Variants in SLC39A11 observed in about 807,000 individuals in gnomAD.
SLC39A11 encodes the protein solute carrier family 39 member 11.
A neutral mutation model predicts 36.1 loss-of-function variants in SLC39A11; 33 were observed. The observed-to-expected ratio is 0.91, with a 90% CI of 0.69 to 1.22. The LOEUF (loss-of-function observed/expected upper bound fraction) is 1.22. Among genes scored for constraint, SLC39A11 ranks in the 50% most tolerant of loss-of-function variants. The pLI, the probability that SLC39A11 is intolerant of heterozygous loss-of-function variation, is 0.00. For synonymous variants in SLC39A11, 166 were observed against 170.3 expected, an observed-to-expected ratio of 0.97 and a Z score of 0.20; for missense variants, 432 against 430.3, an observed-to-expected ratio of 1.00 and a Z score of -0.03.
intron 4 of SLC39A11, among the ~76,000 whole-genome samples, chr17:73,010,974 A>G (rs1044933796): frequency 1.3e-5 from 2 of 152,176 alleles, no homozygotes; most frequent in African/African-American, 4.8e-5. Context: ...CATTCATCAA[A>G]TACCTCCTGA....
intron 4 of SLC39A11, among the ~76,000 whole-genome samples, chr17:72,956,606 G>C (rs576912390): frequency 6.6e-6 from 1 of 152,130 alleles, no homozygotes; most frequent in Non-Finnish European, 1.5e-5. Context: ...TCTAATCCTC[G>C]ATGATTATCC....
At chr17:72,947,643 G>C in intron 5 of SLC39A11, 109 bp downstream of exon 5, 4 of 1,509,146 alleles carry the variant, frequency 2.7e-6, no homozygotes, top group Non-Finnish European at 3.6e-6. Context: ...ATAGGACAGT[G>C]CTGGCATTTC....
intron 6 of SLC39A11, among the ~76,000 whole-genome samples, chr17:72,792,303 G>A (rs1008235782): frequency 6.6e-6 from 1 of 152,194 alleles, no homozygotes; most frequent in Non-Finnish European, 1.5e-5. Context: ...GTTCCCGCAG[G>A]AGGATGTGGC....
At chr17:72,923,058 T>C in intron 5 of SLC39A11, among the ~76,000 whole-genome samples, 1 of 148,648 alleles carries the variant, frequency 6.7e-6, no homozygotes, top group Non-Finnish European at 1.5e-5. Flanking sequence ...GTGATTTGGG[T>C]GTGATTTTAT....
At chr17:72,728,915 C>T (rs1027591479) in intron 7 of SLC39A11, among the ~76,000 whole-genome samples, 1 of 152,180 alleles carries the variant, frequency 6.6e-6, no homozygotes. Flanking sequence ...AGCTGGCAAA[C>T]GCTGTCTGTG....
chr17:72,751,560 C>T (rs1054343810), intron 6 of SLC39A11, among the ~76,000 whole-genome samples: 3 of 152,112 alleles, frequency 2.0e-5, no homozygotes, highest in Non-Finnish European at 4.4e-5. Flanking sequence ...ACAGCCATCG[C>T]CACCACCCAT....
rs2081576564 is a variant in SLC39A11 at position 72,888,877 on chromosome 17, G to A, written c.431-39073C>T. Among the ~76,000 whole-genome samples, 3 of 152,088 alleles carry A rather than the reference G, an allele frequency of 2.0e-5. 1 individual carries two copies. In the South Asian group the frequency reaches 6.2e-4, roughly 32 times the overall value. On this transcript the variant is annotated intron_variant, in intron 5 of 9. Transcript: ENST00000255559. Reference sequence around the variant, plus strand: ...TGATTGTGGCCCTACACTCCAATCTGTGTGGTATAGCAAGACCCTGTCTCT... The same window carrying A: ...TGATTGTGGCCCTACACTCCAATCTATGTGGTATAGCAAGACCCTGTCTCT...
At chr17:73,012,776 T>G (rs1424882797) in intron 4 of SLC39A11, among the ~76,000 whole-genome samples, 1 of 151,952 alleles carries the variant, frequency 6.6e-6, no homozygotes, top group African/African-American at 2.4e-5. Flanking sequence ...TTTATTTTAT[T>G]TATTTATTTA....
At chr17:72,868,101 T>C (rs2080402988) in intron 5 of SLC39A11, among the ~76,000 whole-genome samples, 1 of 152,260 alleles carries the variant, frequency 6.6e-6, no homozygotes, top group Non-Finnish European at 1.5e-5. Flanking sequence ...TGTGGTTTAA[T>C]ACTGGCCAAT....
intron 4 of SLC39A11, among the ~76,000 whole-genome samples, chr17:72,993,783 C>T (rs533081013): frequency 6.6e-6 from 1 of 151,894 alleles, no homozygotes; most frequent in Admixed American, 6.6e-5. Flanking sequence ...CTCTTACTCT[C>T]CTTCCAAAAT....
intron 5 of SLC39A11, among the ~76,000 whole-genome samples, chr17:72,919,599 G>A (rs934515490): frequency 1.3e-5 from 2 of 151,200 alleles, no homozygotes; most frequent in African/African-American, 4.9e-5. Context: ...GAGAACCCGG[G>A]AGGTGGAGCT....
intron 5 of SLC39A11, among the ~76,000 whole-genome samples, chr17:72,944,987 G>A (rs957441168): frequency 6.6e-6 from 1 of 152,094 alleles, no homozygotes. Flanking sequence ...GAAGGTGGAA[G>A]AAAAATTACT....
At chr17:72,719,084 CAAA>C (rs34226537) in intron 7 of SLC39A11, among the ~76,000 whole-genome samples, 1 of 145,950 alleles carries the variant, frequency 6.9e-6, no homozygotes, top group Non-Finnish European at 1.5e-5. Context: ...ACTAAAAATA[CAAA>C]AAAAAAAAAA....
At chr17:72,733,933 A>G (rs2074327213) in intron 7 of SLC39A11, among the ~76,000 whole-genome samples, 1 of 152,132 alleles carries the variant, frequency 6.6e-6, no homozygotes, top group Admixed American at 6.5e-5. Flanking sequence ...GCATTATGAG[A>G]TAACTGGAAG....
At chr17:72,699,046 G>A (rs947763714) in intron 7 of SLC39A11, among the ~76,000 whole-genome samples, 2 of 152,116 alleles carry the variant, frequency 1.3e-5, no homozygotes, top group Admixed American at 6.5e-5. Flanking sequence ...AGCCAGGATG[G>A]TCTCGATCTC....
intron 4 of SLC39A11, among the ~76,000 whole-genome samples, chr17:73,016,490 C>T (rs1235266529): frequency 6.6e-6 from 1 of 152,238 alleles, no homozygotes; most frequent in East Asian, 1.9e-4. Context: ...TGTACCACCA[C>T]ACTCTGCTAA....
At chr17:72,778,171 C>G (rs933721992) in intron 6 of SLC39A11, among the ~76,000 whole-genome samples, 3 of 152,202 alleles carry the variant, frequency 2.0e-5, no homozygotes, top group Admixed American at 6.5e-5. Flanking sequence ...TCCCAAAGTG[C>G]TGGGATTACA....
At chr17:72,879,097 G>A (rs2081064765) in intron 5 of SLC39A11, among the ~76,000 whole-genome samples, 1 of 152,220 alleles carries the variant, frequency 6.6e-6, no homozygotes, top group Non-Finnish European at 1.5e-5. Flanking sequence ...AGGGGGCGTG[G>A]AGCTTCCACG....
At chr17:72,755,735 TG>T (rs2075348180) in intron 6 of SLC39A11, among the ~76,000 whole-genome samples, 1 of 152,210 alleles carries the variant, frequency 6.6e-6, no homozygotes, top group Non-Finnish European at 1.5e-5. Context: ...TCCCGCCCTG[TG>T]GGACTGGCCT....
Sources: allele counts gnomAD v4.1 joint callset (sites outside exome capture counted in the v4.1 genomes callset), GRCh38; gene constraint gnomAD v4.1.1; transcripts MANE v1.5; gene names NCBI Gene and HGNC (gene_info 2026-07-23, HGNC 2026-07-21).